The following AIM2 variants were observed in gnomAD, a reference collection of about 807,000 sequenced individuals.
The protein encoded by AIM2 is interferon-inducible protein AIM2.
In AIM2, 30 loss-of-function variants were observed where a neutral mutation model predicts 27.7. The observed-to-expected ratio is 1.08, with a 90% confidence interval of 0.81 to 1.47. The LOEUF is 1.47. Among genes scored for constraint, AIM2 ranks in the 40% most tolerant of loss-of-function variants. The probability of loss-of-function intolerance (pLI) is 0.00; values close to 1 mark genes in which losing one functional copy is unlikely to be tolerated. For synonymous variants in AIM2, 141 were observed against 145.3 expected (o/e 0.97, Z 0.21); for missense variants, 358 against 411.3 (o/e 0.87, Z 1.12).
intron 1 of AIM2, chr1:159,122,460 A>G (rs1647562540): frequency 6.6e-6 from 1 of 152,200 alleles, no homozygotes; most frequent in Admixed American, 6.5e-5. Context: ...TGCCCATGCC[A>G]TTGGCTTCCA....
intron 1 of AIM2, among the ~76,000 whole-genome samples, chr1:159,118,594 G>C (rs1371154652): frequency 1.3e-5 from 2 of 152,038 alleles, no homozygotes; most frequent in Non-Finnish European, 2.9e-5. Flanking sequence ...ATATCTGTAG[G>C]GTGGTACTTA....
chr1:159,114,641 T>C (rs1263108717), intron 1 of AIM2, among the ~76,000 whole-genome samples: 1 of 151,866 alleles, frequency 6.6e-6, no homozygotes, highest in Non-Finnish European at 1.5e-5. Flanking sequence ...ACCCGGGAGG[T>C]GGATATTTCA....
intron 1 of AIM2, among the ~76,000 whole-genome samples, chr1:159,135,467 A>G (rs1293087333): frequency 3.3e-5 from 5 of 152,232 alleles, no homozygotes; most frequent in Non-Finnish European, 7.3e-5. Context: ...AATGTAGCAT[A>G]AAGTCTACGA....
chr1:159,133,785 T>C (rs1163582693), intron 1 of AIM2, among the ~76,000 whole-genome samples: 1 of 152,228 alleles, frequency 6.6e-6, no homozygotes, highest in Non-Finnish European at 1.5e-5. Context: ...TACTCTGTTA[T>C]TAAATGCTGA....
intron 1 of AIM2, among the ~76,000 whole-genome samples, chr1:159,121,655 T>C (rs989300361): frequency 3.9e-5 from 6 of 152,172 alleles, no homozygotes; most frequent in African/African-American, 9.7e-5. Context: ...GCCAATGTTA[T>C]AGACCAGGTA....
chr1:159,136,397 C>G (rs1179412905), intron 1 of AIM2, among the ~76,000 whole-genome samples: 1 of 152,140 alleles, frequency 6.6e-6, no homozygotes, highest in Non-Finnish European at 1.5e-5. Flanking sequence ...TTAGTTAGAT[C>G]ATTTACTAGA....
At chr1:159,109,224 G>A (rs888062860) in intron 1 of AIM2, among the ~76,000 whole-genome samples, 1 of 152,118 alleles carries the variant, frequency 6.6e-6, no homozygotes, top group Non-Finnish European at 1.5e-5. Flanking sequence ...TAGAGCAATG[G>A]AACAGAATAG....
intron 1 of AIM2, among the ~76,000 whole-genome samples, chr1:159,101,908 C>G (rs1039274125): frequency 1.3e-5 from 2 of 152,170 alleles, no homozygotes; most frequent in African/African-American, 4.8e-5. Context: ...AAAAGAAAAA[C>G]CCATTTTCTG....
chr1:159,115,773 C>A (rs1293181682), intron 1 of AIM2, among the ~76,000 whole-genome samples: 1 of 152,128 alleles, frequency 6.6e-6, no homozygotes, highest in African/African-American at 2.4e-5. Context: ...CAGGCATGGG[C>A]AAGGATTTCA....
At chr1:159,108,815 G>A (rs2852726) in intron 1 of AIM2, among the ~76,000 whole-genome samples, 149,513 of 152,268 alleles carry the variant, frequency 0.98, 73,455 homozygotes, top group Middle Eastern at 1. Flanking sequence ...AAAATAAAAT[G>A]CTTAGGAATA....
intron 1 of AIM2, among the ~76,000 whole-genome samples, chr1:159,129,032 C>T (rs1647799969): frequency 6.6e-6 from 1 of 152,142 alleles, no homozygotes; most frequent in South Asian, 2.1e-4. Flanking sequence ...AATGTGACCT[C>T]ATTTGTAAAA....
At chr1:159,064,005 C>T (rs1285327388) in intron 4 of AIM2, among the ~76,000 whole-genome samples, 1 of 152,032 alleles carries the variant, frequency 6.6e-6, no homozygotes, top group Non-Finnish European at 1.5e-5. Flanking sequence ...CTCTAGCTTA[C>T]TTTTTAAGAA....
At chr1:159,063,428 T>C (rs1655928913) in intron 5 of AIM2, 58 bp downstream of exon 5, 1 of 1,522,582 alleles carries the variant, frequency 6.6e-7, no homozygotes, top group Non-Finnish European at 8.9e-7. Context: ...GGCTTTCTGA[T>C]AGAAAACAAA....
At chr1:159,085,757 C>T in intron 1 of AIM2, among the ~76,000 whole-genome samples, 1 of 152,080 alleles carries the variant, frequency 6.6e-6, no homozygotes, top group East Asian at 1.9e-4. Context: ...GAAGAGTCAA[C>T]AAGGAAGACT....
intron 1 of AIM2, chr1:159,132,174 T>G: frequency 8.1e-6 from 1 of 123,616 alleles, no homozygotes; most frequent in South Asian, 2.6e-4. Context: ...ATGGTGAAAC[T>G]CCATCTCTAC....
At chr1:159,113,805 T>C (rs1647255020) in intron 1 of AIM2, among the ~76,000 whole-genome samples, 1 of 152,188 alleles carries the variant, frequency 6.6e-6, no homozygotes, top group South Asian at 2.1e-4. Context: ...ATATATCAGA[T>C]AGAGTTCTTT....
intron 1 of AIM2, among the ~76,000 whole-genome samples, chr1:159,100,713 A>G (rs917917689): frequency 6.6e-6 from 1 of 152,216 alleles, no homozygotes; most frequent in Non-Finnish European, 1.5e-5. Context: ...AGAGGAAGCT[A>G]AAGTCAAAGA....
chr1:159,120,137 CTATT>C (rs1467859454), intron 1 of AIM2, among the ~76,000 whole-genome samples: 1 of 151,622 alleles, frequency 6.6e-6, no homozygotes, highest in Non-Finnish European at 1.5e-5. Flanking sequence ...TGTTATTAAC[CTATT>C]TATTTATTTG....
At chr1:159,137,942 G>A (rs903323757) in intron 1 of AIM2, among the ~76,000 whole-genome samples, 9 of 152,282 alleles carry the variant, frequency 5.9e-5, no homozygotes, top group East Asian at 3.9e-4. Context: ...TAGCTGTTGC[G>A]TTCAGGGTGG....
Sources: allele counts gnomAD v4.1 joint callset (sites outside exome capture counted in the v4.1 genomes callset), GRCh38; gene constraint gnomAD v4.1.1; transcripts MANE v1.5; gene names NCBI Gene and HGNC (gene_info 2026-07-23, HGNC 2026-07-21).